The following CRYL1 variants were observed in gnomAD, a reference collection of about 807,000 sequenced individuals.
CRYL1 encodes the protein lambda-crystallin homolog.
In CRYL1, 29 loss-of-function variants were observed where a neutral mutation model predicts 36.6. The ratio of observed to expected loss-of-function variants is 0.79; its 90% confidence interval spans 0.59 to 1.08. CRYL1 has a LOEUF of 1.08. CRYL1 is among the 50% of genes least tolerant of loss of function. CRYL1 has a pLI of 0.00. For missense variants in CRYL1, 411 were observed against 407.9 expected, an observed-to-expected ratio of 1.01 and a Z score of -0.06; for synonymous variants, 152 against 151.5, an observed-to-expected ratio of 1.00 and a Z score of -0.02.
At position 20,509,420 on chromosome 13, in the gene CRYL1, G is replaced by T. The variant is rs147320620; in HGVS notation, c.149+3023C>A. ...TATGATGGACCAGAATCCCTGAAGG[G>T]CCTCTCTTTTCAAAATCTCAGGATC... On this transcript the variant is annotated intron_variant, in intron 2 of 7. Transcript: ENST00000298248. 5.1e-3 allele frequency among the ~76,000 whole-genome samples: 774 copies of T among 152,066 alleles called. 5 individuals carry two copies. The highest frequency in any genetic ancestry group is 7.3e-3 in the Non-Finnish European group (496 of 67,980).
intron 3 of CRYL1, among the ~76,000 whole-genome samples, chr13:20,467,214 TG>T (rs2032957709): frequency 6.6e-6 from 1 of 152,056 alleles, no homozygotes; most frequent in African/African-American, 2.4e-5. Flanking sequence ...CCCAAAGTGC[TG>T]GGATTACAGG....
chr13:20,464,519 G>C (rs192641939), intron 3 of CRYL1, among the ~76,000 whole-genome samples: 1 of 152,264 alleles, frequency 6.6e-6, no homozygotes, highest in East Asian at 1.9e-4. Context: ...CAAATTTGTG[G>C]TAACGGTTGC....
rs1195046477 is a variant in CRYL1, at chr13:20,496,937, T to C, written c.150-7441A>G. Among the ~76,000 whole-genome samples, 5 of 150,688 alleles carry C rather than the reference T, an allele frequency of 3.3e-5. No homozygotes were observed. In the South Asian group the frequency reaches 6.3e-4, roughly 19 times the overall value. On this transcript the variant is annotated intron_variant, in intron 2 of 7. Coordinates refer to ENST00000298248, the MANE Select transcript of CRYL1 (RefSeq NM_015974.3). ...TGCTAATTTTTTGGAAAATTGGAAA[T>C]CATGCAAAAGTAGTCAGGTAAATGA...
intron 6 of CRYL1, among the ~76,000 whole-genome samples, chr13:20,412,151 C>A (rs1445933236): frequency 1.3e-5 from 2 of 152,074 alleles, no homozygotes; most frequent in African/African-American, 4.8e-5. Context: ...AAGCATGGGC[C>A]TTTCCTGGAC....
intron 2 of CRYL1, among the ~76,000 whole-genome samples, chr13:20,498,246 CTACACACTACACACACCCCATA>C (rs1240381733): frequency 1.7e-4 from 25 of 150,066 alleles, no homozygotes; most frequent in African/African-American, 6.1e-4. Context: ...ACATGCCACC[CTACACACTACACACACCCCATA>C]TACACACTAC....
intron 3 of CRYL1, chr13:20,473,124 C>G (rs1437787304): frequency 6.6e-6 from 1 of 152,248 alleles, no homozygotes; most frequent in Non-Finnish European, 1.5e-5. Flanking sequence ...TAAAATTAGT[C>G]TGCAATCTAA....
rs2033271364 is a variant in CRYL1, at chr13:20,481,325, A to C, written c.276+8045T>G. 6.6e-6 allele frequency among the ~76,000 whole-genome samples: 1 copy of C among 152,240 alleles called. No individual in the cohort carries two copies. Among genetic ancestry groups the C allele is most frequent in the South Asian group, 2.1e-4 (1 of 4,834 alleles). On this transcript the variant is annotated intron_variant, in intron 3 of 7. Coordinates refer to ENST00000298248, the MANE Select transcript of CRYL1 (RefSeq NM_015974.3). This position sits in a 1 kb window ranked among gnomAD's most constrained non-coding sequence, Gnocchi z 4.1. Reference sequence around the variant, plus strand: ...AAATTCATTTTACTCTGTGAAAGAAACCAAACTCAAAAGGCTGCATCATGT... The same window carrying C: ...AAATTCATTTTACTCTGTGAAAGAACCCAAACTCAAAAGGCTGCATCATGT...
chr13:20,473,201 A>T (rs2033096347), intron 3 of CRYL1: 1 of 152,288 alleles, frequency 6.6e-6, no homozygotes, highest in South Asian at 2.1e-4. Flanking sequence ...CTCCACTTAC[A>T]GCGTAAACAG....
chr13:20,511,322 C>T lies in CRYL1; in HGVS notation c.149+1121G>A, dbSNP rs545591793. On this transcript the variant is annotated intron_variant, in intron 2 of 7. Transcript: ENST00000298248. ...GCCCACACTGGTCTTGAACTCCTGG[C>T]CTCAAATGATCCTCCCACCTCAGCC... Among the ~76,000 whole-genome samples the T allele has an allele frequency of 2.0e-5, 3 of 151,960 alleles. No homozygotes were observed. The East Asian group carries it at 5.8e-4, about 29-fold the overall frequency.
chr13:20,469,026 C>T (rs979831416), intron 3 of CRYL1, among the ~76,000 whole-genome samples: 2 of 152,214 alleles, frequency 1.3e-5, no homozygotes, highest in South Asian at 4.1e-4. Context: ...CTCCGCTCCC[C>T]TGGACGGCAT....
At chr13:20,420,362 C>G (rs561612059) in intron 5 of CRYL1, among the ~76,000 whole-genome samples, 1 of 152,206 alleles carries the variant, frequency 6.6e-6, no homozygotes, top group African/African-American at 2.4e-5. Flanking sequence ...GGCATCTCAG[C>G]TACATCTATC....
intron 1 of CRYL1, among the ~76,000 whole-genome samples, chr13:20,516,190 C>CAA (rs35780379): frequency 0.048 from 3,417 of 71,860 alleles, 242 homozygotes; most frequent in Middle Eastern, 0.061. Context: ...AACTCCATCT[C>CAA]AAAAAAAAAA....
intron 3 of CRYL1, among the ~76,000 whole-genome samples, chr13:20,451,676 C>G (rs1457471601): frequency 6.6e-6 from 1 of 152,218 alleles, no homozygotes; most frequent in Non-Finnish European, 1.5e-5. Context: ...TGCTCATACA[C>G]TGTTGGTAGG....
At chr13:20,421,026 C>A (rs1392271526) in intron 5 of CRYL1, among the ~76,000 whole-genome samples, 7 of 150,554 alleles carry the variant, frequency 4.6e-5, no homozygotes, top group African/African-American at 1.7e-4. Context: ...AGCCACTGCG[C>A]CCAGCCTAAA....
At chr13:20,472,470 T>C (rs2033080976) in intron 3 of CRYL1, among the ~76,000 whole-genome samples, 1 of 152,194 alleles carries the variant, frequency 6.6e-6, no homozygotes, top group Non-Finnish European at 1.5e-5. Context: ...CTACGCATCG[T>C]AGCCATTTCC....
chr13:20,517,047 C>T (rs2034012284), intron 1 of CRYL1, among the ~76,000 whole-genome samples: 1 of 152,106 alleles, frequency 6.6e-6, no homozygotes, highest in South Asian at 2.1e-4. Flanking sequence ...CGCCACTGTA[C>T]TCCAGCCTCA....
intron 2 of CRYL1, among the ~76,000 whole-genome samples, chr13:20,510,103 A>G (rs994190008): frequency 3.9e-5 from 6 of 152,178 alleles, no homozygotes; most frequent in African/African-American, 1.4e-4. Context: ...CAGTTTTGCA[A>G]TTTCTTACAA....
At chr13:20,453,353 G>A (rs998705905) in intron 3 of CRYL1, among the ~76,000 whole-genome samples, 1 of 151,992 alleles carries the variant, frequency 6.6e-6, no homozygotes, top group Non-Finnish European at 1.5e-5. Context: ...ATAATCTACA[G>A]TCAAGGTGAA....
intron 3 of CRYL1, among the ~76,000 whole-genome samples, chr13:20,460,511 C>CTTT (rs71074302): frequency 7.1e-5 from 5 of 70,306 alleles, no homozygotes; most frequent in African/African-American, 2.4e-4. Flanking sequence ...TAGGCAGCTG[C>CTTT]TTTTTTTTTT....
Sources: allele counts gnomAD v4.1 joint callset (sites outside exome capture counted in the v4.1 genomes callset), GRCh38; gene constraint gnomAD v4.1.1; non-coding constraint Gnocchi (gnomAD v3.1); transcripts MANE v1.5; gene names NCBI Gene and HGNC (gene_info 2026-07-23, HGNC 2026-07-21).